GPRC6A: variants seen among roughly 807,000 people sequenced by gnomAD.
The protein encoded by GPRC6A is G protein-coupled receptor family C group 6 member A.
Under a neutral mutation model 47.0 loss-of-function variants are expected in GPRC6A, and 54 were observed. The observed-to-expected ratio is 1.15, with a 90% CI of 0.92 to 1.44. The LOEUF (loss-of-function observed/expected upper bound fraction) is 1.44, where lower values mean the gene tolerates loss of function less well. GPRC6A is among the 40% of genes most tolerant of loss of function. The pLI, the probability that GPRC6A is intolerant of heterozygous loss-of-function variation, is 0.00. For missense variants in GPRC6A, 1,112 were observed against 1,105.5 expected (o/e 1.01, Z -0.08); for synonymous variants, 347 against 377.1 (o/e 0.92, Z 0.93).
chr6:116,811,720 A>T (rs1347166333), intron 1 of GPRC6A, among the ~76,000 whole-genome samples: 1 of 152,144 alleles, frequency 6.6e-6, no homozygotes, highest in South Asian at 2.1e-4. Flanking sequence ...GAACAACATA[A>T]CACATTTGAA....
chr6:116,816,779 C>T (rs1034615291), intron 1 of GPRC6A, among the ~76,000 whole-genome samples: 2 of 152,244 alleles, frequency 1.3e-5, no homozygotes, highest in African/African-American at 2.4e-5. Flanking sequence ...GGGAGACGGA[C>T]GCACCTGGAA....
At chr6:116,829,121 CA>C, upstream of GPRC6A, 9 of 1,339,282 alleles carry the variant, frequency 6.7e-6, no homozygotes, top group South Asian at 4.3e-5. Context: ...AGGTATAGGA[CA>C]GTGTCAAAGG....
chr6:116,809,627 A>G lies in GPRC6A; in HGVS notation c.195-10T>C. The G allele has an allele frequency of 6.3e-7, 1 of 1,595,288 alleles. No homozygotes were observed. Among genetic ancestry groups the G allele is most frequent in the Non-Finnish European group, 8.6e-7 (1 of 1,167,996 alleles). Reference sequence around the variant, plus strand: ...AACTGATATTTCAAAGCTGTTGGGAAACAAGTATTTTTTGAAATCAGAACA... The same window carrying G: ...AACTGATATTTCAAAGCTGTTGGGAGACAAGTATTTTTTGAAATCAGAACA... On this transcript the variant is annotated splice_polypyrimidine_tract_variant and intron_variant, in intron 1 of 5. Coordinates refer to ENST00000310357, the MANE Select transcript of GPRC6A (RefSeq NM_148963.4).
intron 1 of GPRC6A, among the ~76,000 whole-genome samples, chr6:116,823,157 T>G (rs571358570): frequency 6.6e-6 from 1 of 152,234 alleles, no homozygotes; most frequent in Non-Finnish European, 1.5e-5. Flanking sequence ...TTCCAAACTT[T>G]TACACTCTCC....
At chr6:116,801,791 G>A (rs147253367) in intron 3 of GPRC6A, among the ~76,000 whole-genome samples, 132 of 152,206 alleles carry the variant, frequency 8.7e-4, no homozygotes, top group African/African-American at 3.0e-3. Context: ...AGATGTCTTA[G>A]CTCTTTTAAT....
At chr6:116,802,583 G>T (rs1772709650) in intron 3 of GPRC6A, among the ~76,000 whole-genome samples, 1 of 152,228 alleles carries the variant, frequency 6.6e-6, no homozygotes, top group Non-Finnish European at 1.5e-5. Context: ...GTGGAAAGAG[G>T]TATCTTCATG....
chr6:116,796,043 G>A (rs1772477051), intron 4 of GPRC6A, among the ~76,000 whole-genome samples: 1 of 152,032 alleles, frequency 6.6e-6, no homozygotes, highest in Non-Finnish European at 1.5e-5. Flanking sequence ...AGTTTTTGTT[G>A]CATTAATAAC....
At chr6:116,820,973 C>T (rs1773451586) in intron 1 of GPRC6A, among the ~76,000 whole-genome samples, 1 of 151,762 alleles carries the variant, frequency 6.6e-6, no homozygotes, top group Non-Finnish European at 1.5e-5. Flanking sequence ...TTGTCTAAGC[C>T]CAAAATCTCC....
At chr6:116,800,897 A>G (rs1337962262) in intron 3 of GPRC6A, 101 bp from the exon 4 acceptor site, 3 of 697,658 alleles carry the variant, frequency 4.3e-6, no homozygotes, top group Non-Finnish European at 4.8e-6. Context: ...TCACTTAAAA[A>G]TGAGGGAAAA....
chr6:116,822,766 C>G (rs947610176), intron 1 of GPRC6A, among the ~76,000 whole-genome samples: 1 of 148,878 alleles, frequency 6.7e-6, no homozygotes, highest in African/African-American at 2.5e-5. Flanking sequence ...TGCTAGATGA[C>G]GAGTTAGTGG....
intron 1 of GPRC6A, among the ~76,000 whole-genome samples, chr6:116,822,605 G>A (rs1016621836): frequency 1.5e-4 from 22 of 142,240 alleles, no homozygotes; most frequent in African/African-American, 2.9e-4. Flanking sequence ...GTAAACTATC[G>A]CAAGAACAAA....
chr6:116,800,817 G>C, intron 3 of GPRC6A, 21 bp from the exon 4 acceptor site: 1 of 1,435,300 alleles, frequency 7.0e-7, no homozygotes, highest in Non-Finnish European at 9.8e-7. Context: ...TAAAAACAGA[G>C]ATAAGCACTT....
At chr6:116,817,670 A>T (rs1428249774) in intron 1 of GPRC6A, among the ~76,000 whole-genome samples, 1 of 151,910 alleles carries the variant, frequency 6.6e-6, no homozygotes, top group East Asian at 1.9e-4. Context: ...AATAACCAAT[A>T]CAGAGAAGTG....
chr6:116,821,185 A>G (rs972743415), intron 1 of GPRC6A, among the ~76,000 whole-genome samples: 3 of 151,980 alleles, frequency 2.0e-5, no homozygotes, highest in African/African-American at 7.3e-5. Flanking sequence ...GAGAACTACA[A>G]ACCACTGCTC....
intron 4 of GPRC6A, among the ~76,000 whole-genome samples, chr6:116,796,445 C>T (rs1772491560): frequency 6.6e-6 from 1 of 152,062 alleles, no homozygotes; most frequent in African/African-American, 2.4e-5. Context: ...ATCACTGCAG[C>T]GTTCTACTTT....
chr6:116,796,971 G>A (rs1015024996), intron 4 of GPRC6A, among the ~76,000 whole-genome samples: 1 of 152,058 alleles, frequency 6.6e-6, no homozygotes, highest in Non-Finnish European at 1.5e-5. Context: ...CCATGCTGGT[G>A]CGCTGCACCC....
chr6:116,810,013 C>CAGATAAATTGGAAAAA lies in GPRC6A; in HGVS notation c.195-397_195-396insTTTTTCCAATTTATCT, dbSNP rs1342276325. On this transcript the variant is annotated intron_variant, in intron 1 of 5. Transcript: ENST00000310357. Reference sequence around the variant, plus strand: ...GATTCTAGTCTGTGTGATTGGAAACCAGATAAATAAGACTCTTAAGAATTA... The same window carrying CAGATAAATTGGAAAAA: ...GATTCTAGTCTGTGTGATTGGAAACCAGATAAATTGGAAAAAAGATAAATAAGACTCTTAAGAATTA... Among the ~76,000 whole-genome samples the CAGATAAATTGGAAAAA allele has an allele frequency of 2.6e-4, 39 of 152,186 alleles. 1 individual carries two copies. In the South Asian group the frequency reaches 5.2e-3, roughly 20 times the overall value.
chr6:116,805,220 T>C (rs980472884), intron 3 of GPRC6A, among the ~76,000 whole-genome samples: 4 of 152,006 alleles, frequency 2.6e-5, no homozygotes, highest in African/African-American at 7.2e-5. Context: ...TACCTCCTTA[T>C]TAGATTTTTG....
chr6:116,800,199 CCTCT>C (rs1217321935), intron 4 of GPRC6A, among the ~76,000 whole-genome samples: 5 of 149,394 alleles, frequency 3.3e-5, no homozygotes, highest in African/African-American at 5.0e-5. Context: ...CCCCTCCCTC[CCTCT>C]CTCTCTTTTC....
Sources: allele counts gnomAD v4.1 joint callset (sites outside exome capture counted in the v4.1 genomes callset), GRCh38; gene constraint gnomAD v4.1.1; transcripts MANE v1.5; gene names NCBI Gene and HGNC (gene_info 2026-07-23, HGNC 2026-07-21).